The following COPB1 variants were observed in gnomAD, a reference collection of about 807,000 sequenced individuals.
COPB1 encodes the protein coatomer subunit beta.
A neutral mutation model predicts 108.7 loss-of-function variants in COPB1; 21 were observed. The ratio of observed to expected loss-of-function variants is 0.19; its 90% CI spans 0.14 to 0.28. The LOEUF is 0.28. Among genes scored for constraint, COPB1 ranks in the 10% least tolerant of loss-of-function variants. The pLI, the probability that COPB1 is intolerant of heterozygous loss-of-function variation, is 1.00. For synonymous variants in COPB1, 378 were observed against 386.8 expected (o/e 0.98, Z 0.27); for missense variants, 919 against 1,141.3 (o/e 0.81, Z 2.81).
At position 14,458,668 on chromosome 11, in the gene COPB1, C is replaced by A; in HGVS notation, c.2666G>T (p.Gly889Val). 1 of 1,611,108 alleles carries A rather than the reference C, an allele frequency of 6.2e-7. No homozygotes were observed. The highest frequency in any genetic ancestry group is 8.5e-7 in the Non-Finnish European group (1 of 1,178,956). Residue 889 changes from glycine to valine, a missense_variant, in exon 21 of 22, where the codon GGC becomes GTC. Coordinates refer to ENST00000439561, the MANE Select transcript of COPB1 (RefSeq NM_001144061.2). ...TPEKALSGYC[G>V]FMAANLYARS... The stretch of plus-strand genomic sequence containing the variant: ...AGCATAAAGGTTGGCTGCCATAAAG[C>A]CACAGTAACCAGAAAGGGCCTGGAA...
At chr11:14,461,353 G>T (rs1404747103) in intron 18 of COPB1, 22 bp from the exon 19 acceptor site, 5 of 1,604,876 alleles carry the variant, frequency 3.1e-6, no homozygotes, top group African/African-American at 1.3e-5. Context: ...TATACAAAAA[G>T]ATTCGCAATC....
At chr11:14,482,898 A>T in intron 8 of COPB1, 134 bp downstream of exon 8, 2 of 714,480 alleles carry the variant, frequency 2.8e-6, no homozygotes, top group Non-Finnish European at 4.2e-6. Flanking sequence ...CTCAATAGTT[A>T]ACACTTTAGC....
rs767535069 is a variant in COPB1 at position 14,494,332 on chromosome 11, G to A, written c.199C>T (p.Leu67=). 3.7e-6 allele frequency: 6 copies of A among 1,613,044 alleles called. No homozygotes were observed. In the African/African-American group the frequency reaches 5.3e-5, roughly 14 times the overall value. The change falls in exon 3 of 22, where the codon CTA becomes TTA. Residue 67 remains leucine (L), a synonymous_variant. Transcript: ENST00000439561. ...GLLMTIIRFV[L]PLQDHTIKKL... ...TTGATAGTGTGATCCTGAAGAGGTA[G>A]CACAAAACGAATGATGGTCATCAGA...
At chr11:14,462,441 C>T (rs576452603) in intron 18 of COPB1, among the ~76,000 whole-genome samples, 1 of 152,202 alleles carries the variant, frequency 6.6e-6, no homozygotes, top group East Asian at 1.9e-4. Context: ...ACCATCTTGG[C>T]CAGGCTGGTC....
intron 4 of COPB1, among the ~76,000 whole-genome samples, chr11:14,493,395 T>A (rs372762509): frequency 6.6e-6 from 1 of 152,330 alleles, no homozygotes; most frequent in South Asian, 2.1e-4. Context: ...TCATAAACTG[T>A]AAAGTATATA....
intron 12 of COPB1, 35 bp from the exon 13 acceptor site, chr11:14,475,980 G>C: frequency 6.6e-7 from 1 of 1,508,998 alleles, no homozygotes; most frequent in East Asian, 2.3e-5. Context: ...TTTAGTAATA[G>C]TATCAACAGC....
In COPB1 at chr11:14,481,089, A is replaced by G; in HGVS notation, c.966T>C (p.Val322=). Residue 322 remains valine, a synonymous_variant, in exon 9 of 22, where the codon GTT becomes GTC. Transcript: ENST00000439561. The stretch of plus-strand genomic sequence containing the variant: ...TGCTCAATACTCTTAGGATATCCAT[A>G]ACCAGATCCTAAAAAAGAAGAAAAA... ...PAHERVLQDL[V]MDILRVLSTP... is the part of the protein sequence containing the mutation. 6.2e-7 allele frequency: 1 copy of G among 1,603,568 alleles called. No homozygotes were observed. Among genetic ancestry groups the G allele is most frequent in the Non-Finnish European group, 8.5e-7 (1 of 1,177,168 alleles).
In COPB1 at chr11:14,468,677, T is replaced by C; in HGVS notation, c.2145+4A>G. ...AATTTAGAGTCTATCAGACATTTTG[T>C]TACCTTGTTAAGTTTAGATGCTAGG... is the stretch of plus-strand genomic sequence containing the variant. On this transcript the variant is annotated splice_donor_region_variant and intron_variant, in intron 16 of 21. Coordinates refer to ENST00000439561, the MANE Select transcript of COPB1 (RefSeq NM_001144061.2). The C allele has an allele frequency of 6.2e-7, 1 of 1,613,192 alleles. No homozygotes were observed. Among genetic ancestry groups the C allele is most frequent in the Non-Finnish European group, 8.5e-7 (1 of 1,179,534 alleles).
intron 11 of COPB1, 24 bp downstream of exon 11, chr11:14,479,545 C>T: frequency 6.3e-7 from 1 of 1,582,028 alleles, no homozygotes; most frequent in Non-Finnish European, 8.6e-7. Context: ...CTTGACCTTA[C>T]ATTTAAATGT....
At chr11:14,470,133 TTTTTG>T (rs1222180098) in intron 14 of COPB1, among the ~76,000 whole-genome samples, 3 of 148,208 alleles carry the variant, frequency 2.0e-5, no homozygotes, top group East Asian at 1.9e-4. Flanking sequence ...TCTTAAAATG[TTTTTG>T]TTTTATTTTT....
intron 11 of COPB1, 83 bp from the exon 12 acceptor site, chr11:14,477,098 T>G (rs1459715527): frequency 6.9e-6 from 7 of 1,020,558 alleles, no homozygotes; most frequent in Non-Finnish European, 1.1e-5. Context: ...TAAGCTCAAA[T>G]AAAAACAAGG....
chr11:14,466,790 T>C (rs1009311916), intron 16 of COPB1, among the ~76,000 whole-genome samples: 3 of 152,216 alleles, frequency 2.0e-5, no homozygotes, highest in African/African-American at 7.2e-5. Context: ...CACTTTCATT[T>C]AAATCCCTCA....
At chr11:14,493,889 T>A in intron 3 of COPB1, 78 bp from the exon 4 acceptor site, 1 of 1,247,646 alleles carries the variant, frequency 8.0e-7, no homozygotes, top group Non-Finnish European at 1.1e-6. Context: ...AACTTTCCAA[T>A]GGAAAAAAAA....
At position 14,480,987 on chromosome 11, in the gene COPB1, T is replaced by C; in HGVS notation, c.1065+3A>G. 6.2e-7 allele frequency: 1 copy of C among 1,613,654 alleles called. No homozygotes were observed. Among genetic ancestry groups the C allele is most frequent in the South Asian group, 1.1e-5 (1 of 91,028 alleles). ...ACAAAGTGCTGTCAGAGTTTCCTTT[T>C]ACCTCTTCAACATTTCTAGAAGAGA... On this transcript the variant is annotated splice_donor_region_variant and intron_variant, in intron 9 of 21. Coordinates refer to ENST00000439561, the MANE Select transcript of COPB1 (RefSeq NM_001144061.2).
intron 8 of COPB1, among the ~76,000 whole-genome samples, chr11:14,482,498 G>A (rs573252556): frequency 7.9e-5 from 12 of 151,712 alleles, no homozygotes; most frequent in African/African-American, 1.2e-4. Context: ...AGTACAAACC[G>A]AAAAGATAAA....
intron 14 of COPB1, among the ~76,000 whole-genome samples, chr11:14,471,816 G>T (rs1850410131): frequency 6.6e-6 from 1 of 152,148 alleles, no homozygotes; most frequent in Non-Finnish European, 1.5e-5. Context: ...CAGCTACTCG[G>T]GAGGCTGAGC....
At chr11:14,486,853 T>C (rs1301735337) in intron 6 of COPB1, among the ~76,000 whole-genome samples, 3 of 152,178 alleles carry the variant, frequency 2.0e-5, no homozygotes, top group African/African-American at 4.8e-5. Context: ...TGACTTAAAA[T>C]GTGTATGCTA....
At chr11:14,478,831 A>G (rs1850589546) in intron 11 of COPB1, 1 of 152,070 alleles carries the variant, frequency 6.6e-6, no homozygotes, top group African/African-American at 2.4e-5. Context: ...AAATTTATTC[A>G]GAAAAACTTA....
chr11:14,483,092 G>A lies in COPB1; in HGVS notation c.897C>T (p.Leu299=), dbSNP rs1398851035. 6 of 1,590,576 alleles carry A rather than the reference G, an allele frequency of 3.8e-6. No individual in the cohort carries two copies. The highest frequency in any genetic ancestry group is 4.3e-6 in the Non-Finnish European group (5 of 1,161,746). ...IIKESDNNVK[L]IVLDRLIELK... ...ATTCTATCAAGCGATCCAAAACTAT[G>A]AGTTTTACATTGTTGTCGCTCTCCT... Residue 299 remains leucine, a synonymous_variant, in exon 8 of 22, where the codon CTC becomes CTT. Coordinates refer to ENST00000439561, the MANE Select transcript of COPB1 (RefSeq NM_001144061.2).
Sources: gnomAD v4.1 joint callset for allele counts (sites outside exome capture counted in the v4.1 genomes callset) on GRCh38, gnomAD v4.1.1 for gene constraint, MANE v1.5 for transcripts, NCBI Gene and HGNC (gene_info 2026-07-23, HGNC 2026-07-21) for gene names.